The following SHISA9 variants were observed in gnomAD, a reference collection of about 807,000 sequenced individuals.
SHISA9 encodes the protein protein shisa-9.
SHISA9 carries 13 observed loss-of-function variants against 38.0 expected under a neutral mutation model. The observed-to-expected ratio is 0.34, with a 90% CI of 0.22 to 0.54. SHISA9 has a LOEUF of 0.54. Among genes scored for constraint, SHISA9 ranks in the 20% least tolerant of loss-of-function variants. The probability of loss-of-function intolerance (pLI) is 0.91; values close to 1 mark genes in which losing one functional copy is unlikely to be tolerated. For synonymous variants in SHISA9, 275 were observed against 242.0 expected, an observed-to-expected ratio of 1.14 and a Z score of -1.27; for missense variants, 538 against 575.8, an observed-to-expected ratio of 0.93 and a Z score of 0.67.
At chr16:13,357,747 G>T in the SHISA9 span, among the ~76,000 whole-genome samples, 1 of 151,580 alleles carries the variant, frequency 6.6e-6, no homozygotes, top group African/African-American at 2.4e-5. Context: ...AGTCAAAGGG[G>T]GTTTGTTCTC....
the SHISA9 span, among the ~76,000 whole-genome samples, chr16:13,347,229 T>G: frequency 8.2e-4 from 125 of 152,304 alleles, no homozygotes; most frequent in African/African-American, 2.7e-3. Flanking sequence ...GGGTCAGGTA[T>G]AGTATACTTA....
chr16:13,251,533 G>A, the SHISA9 span, among the ~76,000 whole-genome samples: 2 of 152,130 alleles, frequency 1.3e-5, no homozygotes, highest in South Asian at 2.1e-4. Context: ...TTGGAGATTA[G>A]TGGTGCATGT....
At chr16:13,288,740 G>A in the SHISA9 span, among the ~76,000 whole-genome samples, 26 of 151,668 alleles carry the variant, frequency 1.7e-4, no homozygotes, top group South Asian at 1.7e-3. Context: ...GCAGTGAGCC[G>A]AGATCACACC....
chr16:13,320,519 T>C, the SHISA9 span, among the ~76,000 whole-genome samples: 6 of 152,154 alleles, frequency 3.9e-5, no homozygotes, highest in African/African-American at 1.4e-4. Flanking sequence ...TTCTCAGCAC[T>C]GTACCAAGAG....
chr16:13,028,950 G>A (rs1194263159), intron 2 of SHISA9, among the ~76,000 whole-genome samples: 2 of 152,142 alleles, frequency 1.3e-5, no homozygotes, highest in East Asian at 1.9e-4. Context: ...GAAAGTAAAG[G>A]TGCTATTACT....
At chr16:13,263,978 A>G in the SHISA9 span, among the ~76,000 whole-genome samples, 1 of 152,136 alleles carries the variant, frequency 6.6e-6, no homozygotes, top group Non-Finnish European at 1.5e-5. Flanking sequence ...GGAGAGTCAG[A>G]TCTTTCCTTT....
chr16:13,121,832 T>TACACACACACACACAC (rs55727441), intron 2 of SHISA9, among the ~76,000 whole-genome samples: 3 of 134,820 alleles, frequency 2.2e-5, no homozygotes, highest in Admixed American at 7.5e-5. Flanking sequence ...TATACACACA[T>TACACACACACACACAC]ACACACACAC....
At chr16:13,250,490 G>T in the SHISA9 span, among the ~76,000 whole-genome samples, 4 of 152,208 alleles carry the variant, frequency 2.6e-5, no homozygotes, top group African/African-American at 4.8e-5. Flanking sequence ...GAAACTAGCT[G>T]TATTATCTTG....
intron 2 of SHISA9, among the ~76,000 whole-genome samples, chr16:12,949,278 G>A (rs1469625101): frequency 6.6e-6 from 1 of 152,224 alleles, no homozygotes; most frequent in Non-Finnish European, 1.5e-5. Flanking sequence ...CTCCACTGGA[G>A]CCCAGCCACA....
At chr16:13,086,989 G>C (rs914301350) in intron 2 of SHISA9, among the ~76,000 whole-genome samples, 1 of 131,378 alleles carries the variant, frequency 7.6e-6, no homozygotes, top group African/African-American at 2.9e-5. Flanking sequence ...ACAGGCCCCG[G>C]TGTGTGATGT....
the SHISA9 span, among the ~76,000 whole-genome samples, chr16:13,508,819 C>G: frequency 6.6e-6 from 1 of 152,162 alleles, no homozygotes; most frequent in Non-Finnish European, 1.5e-5. Flanking sequence ...GCTAATATTA[C>G]TCCATATCTT....
At chr16:12,958,983 A>G (rs537674748) in intron 2 of SHISA9, among the ~76,000 whole-genome samples, 12 of 152,286 alleles carry the variant, frequency 7.9e-5, no homozygotes, top group African/African-American at 2.9e-4. Flanking sequence ...ATAGGGGGCA[A>G]TGGGTATGAT....
intron 2 of SHISA9, among the ~76,000 whole-genome samples, chr16:13,038,278 C>A (rs1431549578): frequency 1.3e-5 from 2 of 152,252 alleles, no homozygotes; most frequent in African/African-American, 4.8e-5. Context: ...GCGTGGGCCA[C>A]CATGCCCAAC....
chr16:12,986,315 T>C (rs1297854414), intron 2 of SHISA9, among the ~76,000 whole-genome samples: 1 of 152,224 alleles, frequency 6.6e-6, no homozygotes, highest in Non-Finnish European at 1.5e-5. Flanking sequence ...CCCTTCTTGC[T>C]TTCTTGCTTG....
chr16:13,457,260 C>T, the SHISA9 span, among the ~76,000 whole-genome samples: 16 of 152,258 alleles, frequency 1.1e-4, no homozygotes, highest in East Asian at 2.3e-3. Context: ...GAGCCAAGAT[C>T]GCACCATTGC....
chr16:13,423,066 C>T, the SHISA9 span, among the ~76,000 whole-genome samples: 1,530 of 152,282 alleles, frequency 0.01, 10 homozygotes, highest in Non-Finnish European at 0.018. Context: ...AATCCAGCTG[C>T]CTTACCTTAA....
At chr16:13,032,528 A>G (rs1218441257) in intron 2 of SHISA9, among the ~76,000 whole-genome samples, 1 of 152,188 alleles carries the variant, frequency 6.6e-6, no homozygotes, top group African/African-American at 2.4e-5. Context: ...ATTTCCCCAT[A>G]AACTCTGTAG....
At chr16:13,156,455 C>G (rs388105) in intron 2 of SHISA9, among the ~76,000 whole-genome samples, 1 of 152,168 alleles carries the variant, frequency 6.6e-6, no homozygotes, top group Admixed American at 6.5e-5. Flanking sequence ...ACTTCCTTGG[C>G]CAGGCATGGT....
chr16:13,264,888 T>G, the SHISA9 span, among the ~76,000 whole-genome samples: 3 of 151,978 alleles, frequency 2.0e-5, no homozygotes, highest in Non-Finnish European at 1.5e-5. Flanking sequence ...CTTCTCCCTT[T>G]CCAGTCTCCT....
Sources: gnomAD v4.1 joint callset for allele counts (sites outside exome capture counted in the v4.1 genomes callset) on GRCh38, gnomAD v4.1.1 for gene constraint, MANE v1.5 for transcripts, NCBI Gene and HGNC (gene_info 2026-07-23, HGNC 2026-07-21) for gene names.